Variants in FBXL17 observed in about 807,000 individuals in gnomAD.
FBXL17 encodes the protein F-box and leucine rich repeat protein 17.
A neutral mutation model predicts 66.2 loss-of-function variants in FBXL17; 22 were observed. That is an observed-to-expected ratio of 0.33 (90% CI 0.24 to 0.47). The LOEUF (loss-of-function observed/expected upper bound fraction) is 0.47, where lower values mean the gene tolerates loss of function less well. FBXL17 is among the 20% of genes least tolerant of loss of function. FBXL17 has a pLI of 1.00. For synonymous variants in FBXL17, 474 were observed against 400.5 expected, an observed-to-expected ratio of 1.18 and a Z score of -2.19; for missense variants, 878 against 948.2, an observed-to-expected ratio of 0.93 and a Z score of 0.97.
intron 4 of FBXL17, among the ~76,000 whole-genome samples, chr5:108,274,438 TTTAAGG>T (rs1197272721): frequency 6.6e-6 from 1 of 151,990 alleles, no homozygotes; most frequent in Non-Finnish European, 1.5e-5. Flanking sequence ...GCGGTGAGAG[TTTAAGG>T]TTATCTCTCT....
At chr5:108,007,559 G>GC (rs1354023286) in intron 7 of FBXL17, among the ~76,000 whole-genome samples, 2 of 151,924 alleles carry the variant, frequency 1.3e-5, no homozygotes, top group Non-Finnish European at 2.9e-5. Flanking sequence ...TATTTGTAGA[G>GC]CCCACTGCAC....
intron 4 of FBXL17, among the ~76,000 whole-genome samples, chr5:108,281,369 A>C (rs532471851): frequency 1.2e-4 from 18 of 152,040 alleles, no homozygotes; most frequent in Non-Finnish European, 2.2e-4. Context: ...AGGTCAAATC[A>C]ATACCAAGAG....
chr5:107,989,755 A>G (rs1753165183), intron 7 of FBXL17, among the ~76,000 whole-genome samples: 1 of 152,100 alleles, frequency 6.6e-6, no homozygotes, highest in South Asian at 2.1e-4. Flanking sequence ...ACATTCCCCA[A>G]GAAGGTGTTT....
At chr5:107,911,106 A>G (rs1405521098) in intron 7 of FBXL17, among the ~76,000 whole-genome samples, 1 of 152,124 alleles carries the variant, frequency 6.6e-6, no homozygotes, top group Non-Finnish European at 1.5e-5. Flanking sequence ...GATAATTCTA[A>G]AAAGTAGTTA....
chr5:108,050,576 C>A (rs1747431164), intron 6 of FBXL17, among the ~76,000 whole-genome samples: 1 of 152,088 alleles, frequency 6.6e-6, no homozygotes. Context: ...AAATTTATAG[C>A]ACTAAACGCC....
chr5:108,216,736 C>T (rs1580632063), intron 5 of FBXL17, among the ~76,000 whole-genome samples: 1 of 152,146 alleles, frequency 6.6e-6, no homozygotes, highest in Admixed American at 6.5e-5. Context: ...GCCTCATCCC[C>T]ACATAACATA....
chr5:108,179,324 T>C lies in FBXL17; in HGVS notation c.1745+6793A>G, dbSNP rs77470547. ...AGAAAAATCTTTATATAAAGCCACG[T>C]TGAGTTTTACATGAGCCAAGGTGCT... On this transcript the variant is annotated intron_variant, in intron 6 of 8. Transcript: ENST00000542267. 8.7e-3 allele frequency among the ~76,000 whole-genome samples: 1,328 copies of C among 152,208 alleles called. 10 individuals carry two copies. The highest frequency in any genetic ancestry group is 0.021 in the African/African-American group (859 of 41,558).
intron 4 of FBXL17, among the ~76,000 whole-genome samples, chr5:108,244,240 C>T (rs1367675993): frequency 1.3e-5 from 2 of 152,120 alleles, no homozygotes; most frequent in Non-Finnish European, 2.9e-5. Flanking sequence ...CCTTTCTTAA[C>T]TGGCTGGTCA....
At chr5:107,946,038 T>C (rs561285526) in intron 7 of FBXL17, among the ~76,000 whole-genome samples, 1 of 151,754 alleles carries the variant, frequency 6.6e-6, no homozygotes, top group Non-Finnish European at 1.5e-5. Flanking sequence ...GTTTTAGAAT[T>C]AGAATTTACC....
intron 5 of FBXL17, among the ~76,000 whole-genome samples, chr5:108,189,370 G>C (rs1753373407): frequency 1.3e-5 from 1 of 76,208 alleles, no homozygotes; most frequent in South Asian, 1.1e-3. Flanking sequence ...AAGAGACAAT[G>C]GTAAGAAAAA....
chr5:107,991,527 T>C (rs1753248315), intron 7 of FBXL17, among the ~76,000 whole-genome samples: 1 of 152,318 alleles, frequency 6.6e-6, no homozygotes, highest in East Asian at 1.9e-4. Context: ...TGAGACTGTT[T>C]CCCTTCTACT....
At chr5:108,047,207 C>A (rs1179537127) in intron 6 of FBXL17, among the ~76,000 whole-genome samples, 2 of 152,172 alleles carry the variant, frequency 1.3e-5, no homozygotes, top group Non-Finnish European at 2.9e-5. Flanking sequence ...CACCTGAGAG[C>A]CACACGGGGC....
rs1561482459 is a variant in FBXL17 at position 108,238,947 on chromosome 5, TATC to T, written c.1507-14722_1507-14720del. On this transcript the variant is annotated intron_variant, in intron 4 of 8. Transcript: ENST00000542267. ...TTTTAAGTTGTAATTATATGACTGA[TATC>T]ATTTCAGTAGAGAGCTATAACAAAT... 3.3e-5 allele frequency among the ~76,000 whole-genome samples: 5 copies of T among 152,362 alleles called. No homozygotes were observed. In the South Asian group the frequency reaches 1.0e-3, roughly 32 times the overall value.
intron 4 of FBXL17, among the ~76,000 whole-genome samples, chr5:108,297,454 T>G (rs575015391): frequency 5.7e-4 from 87 of 151,768 alleles, no homozygotes; most frequent in African/African-American, 2.0e-3. Flanking sequence ...TCCATATATA[T>G]AGGAATAAAT....
chr5:108,258,813 A>C (rs906117577), intron 4 of FBXL17, among the ~76,000 whole-genome samples: 4 of 151,462 alleles, frequency 2.6e-5, no homozygotes, highest in Admixed American at 2.6e-4. Context: ...TCAACAGAAG[A>C]GTATACCCAG....
chr5:107,870,907 A>G (rs1360473188), intron 8 of FBXL17, among the ~76,000 whole-genome samples: 1 of 152,078 alleles, frequency 6.6e-6, no homozygotes, highest in African/African-American at 2.4e-5. Context: ...TGACTATGTT[A>G]CTGGAGCCTA....
At chr5:108,379,825 G>A (rs1377245828) in intron 1 of FBXL17, among the ~76,000 whole-genome samples, 1 of 152,098 alleles carries the variant, frequency 6.6e-6, no homozygotes, top group Non-Finnish European at 1.5e-5. Context: ...AAATATTCTT[G>A]GTAGTTGAAA....
chr5:107,893,919 T>A (rs1338491323), intron 7 of FBXL17, among the ~76,000 whole-genome samples: 1 of 152,216 alleles, frequency 6.6e-6, no homozygotes, highest in Non-Finnish European at 1.5e-5. Context: ...CATTTGTATG[T>A]ACTGGCTGTA....
At chr5:108,036,862 C>G (rs923914486) in intron 6 of FBXL17, among the ~76,000 whole-genome samples, 3 of 152,100 alleles carry the variant, frequency 2.0e-5, no homozygotes, top group Non-Finnish European at 4.4e-5. Flanking sequence ...ATTCAGAATA[C>G]TACTTTTGTT....
Sources: gnomAD v4.1 joint callset for allele counts (sites outside exome capture counted in the v4.1 genomes callset) on GRCh38, gnomAD v4.1.1 for gene constraint, MANE v1.5 for transcripts, NCBI Gene and HGNC (gene_info 2026-07-23, HGNC 2026-07-21) for gene names.